The following ENDOU variants were observed in gnomAD, a reference collection of about 807,000 sequenced individuals.
ENDOU encodes endonuclease, poly(U) specific.
A neutral mutation model predicts 54.2 loss-of-function variants in ENDOU; 49 were observed. That is an observed-to-expected ratio of 0.90 (90% confidence interval 0.72 to 1.15). The LOEUF (loss-of-function observed/expected upper bound fraction) is 1.15, where lower values mean the gene tolerates loss of function less well. Among genes scored for constraint, ENDOU ranks in the 50% most tolerant of loss-of-function variants. ENDOU has a pLI of 0.00. For synonymous variants in ENDOU, 172 were observed against 190.5 expected (o/e 0.90, Z 0.80); for missense variants, 458 against 511.4 (o/e 0.90, Z 1.01).
rs776256951 is a variant in ENDOU at position 47,716,347 on chromosome 12, A to G, written c.704T>C (p.Met235Thr). Reference sequence around the variant, plus strand: ...GAGCTCCTTCATGACTGCTGTCTTCATGATCTCTCTGAGGAAGGCGTCCTG... The same window carrying G: ...GAGCTCCTTCATGACTGCTGTCTTCGTGATCTCTCTGAGGAAGGCGTCCTG... ...AEQDAFLREI[M>T]KTAVMKELYS... The change falls in exon 6 of 10, where the codon ATG (methionine) becomes ACG (threonine). Residue 235 changes from methionine to threonine, a missense_variant. Coordinates refer to ENST00000422538, the MANE Select transcript of ENDOU (RefSeq NM_001172439.2). 2.5e-6 allele frequency: 4 copies of G among 1,614,068 alleles called. No homozygotes were observed. The highest frequency in any genetic ancestry group is 4.5e-5 in the East Asian group (2 of 44,874).
chr12:47,716,582 G>T, intron 5 of ENDOU, 83 bp from the exon 6 acceptor site: 1 of 1,325,410 alleles, frequency 7.5e-7, no homozygotes, highest in Non-Finnish European at 1.1e-6. Flanking sequence ...CAGGCCAGGG[G>T]CAGACAGGCG....
At chr12:47,712,333 T>G (rs1454409902) in intron 8 of ENDOU, among the ~76,000 whole-genome samples, 183 bp downstream of exon 8, 1 of 152,182 alleles carries the variant, frequency 6.6e-6, no homozygotes, top group Non-Finnish European at 1.5e-5. Flanking sequence ...CTTCACTGTT[T>G]GGAAGGGAAT....
chr12:47,718,060 C>T, intron 3 of ENDOU, 69 bp downstream of exon 3: 1 of 1,365,222 alleles, frequency 7.3e-7, no homozygotes, highest in South Asian at 1.2e-5. Context: ...GCCATGGCCG[C>T]CCCTGCTTGT....
chr12:47,711,812 T>C (rs1347896605), intron 8 of ENDOU, 37 bp from the exon 9 acceptor site: 1 of 1,612,240 alleles, frequency 6.2e-7, no homozygotes, highest in African/African-American at 1.3e-5. Flanking sequence ...GTCTGGTGAG[T>C]GCCACAGAGT....
At chr12:47,723,556 G>A (rs1715297792) in intron 1 of ENDOU, among the ~76,000 whole-genome samples, 1 of 151,992 alleles carries the variant, frequency 6.6e-6, no homozygotes, top group South Asian at 2.1e-4. Context: ...CCTCTCTCGG[G>A]TTCAGATTCT....
chr12:47,715,860 C>G (rs996153860), intron 6 of ENDOU, among the ~76,000 whole-genome samples: 1 of 152,134 alleles, frequency 6.6e-6, no homozygotes, highest in Admixed American at 6.5e-5. Context: ...TGGACTCAGC[C>G]AACCCGATTC....
At position 47,720,889 on chromosome 12, in the gene ENDOU, A is replaced by G. The variant is rs1940413047; in HGVS notation, c.56-14T>C. The stretch of plus-strand genomic sequence containing the variant: ...ATTCTATTTTTCCTATGGGCAGTAA[A>G]GGTCACCAACTCAGCTCTATGGAGA... On this transcript the variant is annotated splice_polypyrimidine_tract_variant and intron_variant, in intron 1 of 9. Transcript: ENST00000422538. 12 of 1,535,848 alleles carry G rather than the reference A, an allele frequency of 7.8e-6. No homozygotes were observed. The highest frequency in any genetic ancestry group is 1.0e-5 in the Non-Finnish European group (12 of 1,146,816).
At chr12:47,716,658 T>G (rs1441901267) in intron 5 of ENDOU, among the ~76,000 whole-genome samples, 159 bp from the exon 6 acceptor site, 1 of 152,176 alleles carries the variant, frequency 6.6e-6, no homozygotes, top group African/African-American at 2.4e-5. Context: ...CAGGTCACTT[T>G]TCTTCCACCT....
At chr12:47,718,994 A>T (rs1178125449) in intron 2 of ENDOU, among the ~76,000 whole-genome samples, 1 of 152,218 alleles carries the variant, frequency 6.6e-6, no homozygotes, top group Non-Finnish European at 1.5e-5. Context: ...TTCTTCAGTC[A>T]ACAAACATCT....
rs781028922 is a variant in ENDOU, at chr12:47,710,895, A to G, written c.1140T>C (p.Tyr380=). ...AGGTATATGTCCGGACAGCTAAGGG[A>G]TATCCTCCCAGGCTTAACTGGCACC... ...GKVCQLSLGG[Y]PLAVRTYTWD... The change falls in exon 10 of 10, where the codon TAT becomes TAC. Residue 380 remains tyrosine (Y), a synonymous_variant. Coordinates refer to ENST00000422538, the MANE Select transcript of ENDOU (RefSeq NM_001172439.2). 3 of 1,613,580 alleles carry G rather than the reference A, an allele frequency of 1.9e-6. No individual in the cohort carries two copies. The highest frequency in any genetic ancestry group is 1.1e-5 in the South Asian group (1 of 91,034).
In ENDOU at chr12:47,716,541, C is replaced by T. The variant is rs767778158; in HGVS notation, c.552-42G>A. On this transcript the variant is annotated intron_variant, in intron 5 of 9. Transcript: ENST00000422538. ...GGAGCCCCACTGAGAGCCCCAAACA[C>T]AGGGCAGCGACCCCTCCAGAGACTT... The T allele has an allele frequency of 9.9e-5, 157 of 1,593,808 alleles. No individual in the cohort carries two copies. The East Asian group carries it at 1.9e-3, about 19-fold the overall frequency.
At chr12:47,724,098 A>G (rs1381480031) in intron 1 of ENDOU, among the ~76,000 whole-genome samples, 1 of 152,174 alleles carries the variant, frequency 6.6e-6, no homozygotes, top group African/African-American at 2.4e-5. Context: ...TTCTAAAGCC[A>G]CTGCTACCTC....
chr12:47,716,800 C>A, intron 5 of ENDOU, 90 bp downstream of exon 5: 1 of 1,360,562 alleles, frequency 7.3e-7, no homozygotes, highest in Non-Finnish European at 1.0e-6. Context: ...TTTGATCGTG[C>A]CTGACTTGAG....
rs1310929719 is a variant in ENDOU, at chr12:47,725,374, C to T, written c.40G>A (p.Gly14Ser). 2 of 1,614,122 alleles carry T rather than the reference C, an allele frequency of 1.2e-6. No homozygotes were observed. Among genetic ancestry groups the T allele is most frequent in the Admixed American group, 3.3e-5 (2 of 60,012 alleles). Residue 14 changes from glycine to serine, a missense_variant, in exon 1 of 10, where the codon GGC becomes AGC. Gly to Ser is a moderately conservative substitution (Grantham distance 56). Transcript: ENST00000422538. The stretch of plus-strand genomic sequence containing the variant: ...AGTGACTTACCAGCCCAGGCCAGGC[C>T]ACACAGCACGGCCAATACCAGGGAG... ...CISLVLAVLC[G>S]LAWAGKIESC...
At chr12:47,724,289 G>A (rs1940521672) in intron 1 of ENDOU, among the ~76,000 whole-genome samples, 1 of 152,160 alleles carries the variant, frequency 6.6e-6, no homozygotes, top group South Asian at 2.1e-4. Context: ...CCACCCACTA[G>A]GGCCCAGGCA....
At chr12:47,723,794 C>T (rs994526664) in intron 1 of ENDOU, among the ~76,000 whole-genome samples, 2 of 152,104 alleles carry the variant, frequency 1.3e-5, no homozygotes, top group East Asian at 3.8e-4. Flanking sequence ...ACCTAGTCAA[C>T]CAAGAAGCCT....
rs780249288 is a variant in ENDOU, at chr12:47,710,778, G to T, written c.*24C>A. 2 of 1,519,412 alleles carry T rather than the reference G, an allele frequency of 1.3e-6. No homozygotes were observed. The highest frequency in any genetic ancestry group is 9.1e-7 in the Non-Finnish European group (1 of 1,093,380). 94.1% of individuals were successfully genotyped at this position (1,519,412 alleles called of 1,614,324 possible). A position where few individuals can be genotyped will look rare whatever the true frequency, so the allele number is the denominator to read the frequency against. ...ACTTCAGTCTCGCAAGAGCCCTCATGCCCCTTTCTGGCTCGAAGTTCTATT... is the reference window on the plus strand; with the variant it reads ...ACTTCAGTCTCGCAAGAGCCCTCATTCCCCTTTCTGGCTCGAAGTTCTATT... On this transcript the variant is annotated 3_prime_UTR_variant, in exon 10 of 10. Transcript: ENST00000422538.
intron 5 of ENDOU, among the ~76,000 whole-genome samples, 167 bp downstream of exon 5, chr12:47,716,723 C>T (rs1004179382): frequency 2.0e-5 from 3 of 152,208 alleles, no homozygotes; most frequent in Non-Finnish European, 2.9e-5. Context: ...GAAACCCTCC[C>T]AACTGGATAT....
At position 47,717,605 on chromosome 12, in the gene ENDOU, C is replaced by T; in HGVS notation, c.295G>A (p.Asp99Asn). The T allele has an allele frequency of 6.2e-7, 1 of 1,614,142 alleles. No individual in the cohort carries two copies. The highest frequency in any genetic ancestry group is 8.5e-7 in the Non-Finnish European group (1 of 1,180,030). The change falls in exon 4 of 10, where the codon GAC becomes AAC. Residue 99 changes from aspartate (D) to asparagine (N), a missense_variant. Coordinates refer to ENST00000422538, the MANE Select transcript of ENDOU (RefSeq NM_001172439.2). ...TTGCAGTGACATTGGTGGTGCTTGT[C>T]AAAGGCTTCGTAGCAGCGGCCCTGG... ...SCQGRCYEAF[D>N]KHHQCHCNAR...
Sources: allele counts gnomAD v4.1 joint callset (sites outside exome capture counted in the v4.1 genomes callset), GRCh38; gene constraint gnomAD v4.1.1; transcripts MANE v1.5; gene names NCBI Gene and HGNC (gene_info 2026-07-23, HGNC 2026-07-21).